Variants in LMX1A observed in about 807,000 individuals in gnomAD.
LMX1A encodes LIM homeobox transcription factor 1 alpha.
A neutral mutation model predicts 49.1 loss-of-function variants in LMX1A; 15 were observed. The ratio of observed to expected loss-of-function variants is 0.31; its 90% confidence interval spans 0.20 to 0.47. The LOEUF (loss-of-function observed/expected upper bound fraction) is 0.47. LMX1A is among the 20% of genes least tolerant of loss of function. The pLI is 1.00. For synonymous variants in LMX1A, 167 were observed against 185.7 expected, an observed-to-expected ratio of 0.90 and a Z score of 0.82; for missense variants, 372 against 475.8, an observed-to-expected ratio of 0.78 and a Z score of 2.03.
intron 4 of LMX1A, among the ~76,000 whole-genome samples, chr1:165,249,114 G>A (rs1652958318): frequency 6.6e-6 from 1 of 152,212 alleles, no homozygotes; most frequent in Non-Finnish European, 1.5e-5. Flanking sequence ...GAAGCCTGAA[G>A]CAAAGTCCAG....
intron 3 of LMX1A, among the ~76,000 whole-genome samples, chr1:165,270,078 G>T (rs1653751820): frequency 6.6e-6 from 1 of 152,056 alleles, no homozygotes; most frequent in Non-Finnish European, 1.5e-5. Flanking sequence ...GAAAGAAAAT[G>T]TCCTCTATCT....
At chr1:165,227,772 T>C (rs1652087415) in intron 4 of LMX1A, among the ~76,000 whole-genome samples, 2 of 152,190 alleles carry the variant, frequency 1.3e-5, no homozygotes, top group African/African-American at 2.4e-5. Context: ...AGTAATATTA[T>C]ATACCCTATG....
At chr1:165,258,709 T>C (rs74118533) in intron 3 of LMX1A, among the ~76,000 whole-genome samples, 23 of 152,252 alleles carry the variant, frequency 1.5e-4, no homozygotes, top group African/African-American at 5.1e-4. Context: ...TTTTCATCTA[T>C]CACAAATGTT....
chr1:165,302,206 T>C (rs10753674), intron 3 of LMX1A, among the ~76,000 whole-genome samples: 15 of 132,754 alleles, frequency 1.1e-4, no homozygotes, highest in South Asian at 6.9e-4. Context: ...GGGAGGCCGG[T>C]GGGGGGCGGG....
chr1:165,288,008 T>C (rs182472685), intron 3 of LMX1A, among the ~76,000 whole-genome samples: 1 of 152,296 alleles, frequency 6.6e-6, no homozygotes, highest in African/African-American at 2.4e-5. Flanking sequence ...GAAAACCGAA[T>C]AATAAAACTG....
rs910442873 is a variant in LMX1A at position 165,202,039 on chromosome 1, G to C, written c.*1841C>G. 6.6e-5 allele frequency: 10 copies of C among 152,528 alleles called. No homozygotes were observed. The highest frequency in any genetic ancestry group is 1.5e-4 in the Non-Finnish European group (10 of 68,040). 9.4% of individuals were successfully genotyped at this position (152,528 alleles called of 1,614,324 possible). ...ATTTTCACTCATCAGACTGGTTTGG[G>C]TTTCTTGGTGGTTTGCATAAATTAT... On this transcript the variant is annotated 3_prime_UTR_variant, in exon 9 of 9. Transcript: ENST00000342310.
intron 4 of LMX1A, among the ~76,000 whole-genome samples, chr1:165,242,949 A>AC (rs1652712658): frequency 7.0e-6 from 1 of 142,352 alleles, no homozygotes; most frequent in Admixed American, 6.9e-5. Context: ...AAAAAAAAAC[A>AC]AAACAAAAAC....
chr1:165,352,656 G>A (rs74118600), intron 3 of LMX1A, among the ~76,000 whole-genome samples: 5,751 of 152,296 alleles, frequency 0.038, 325 homozygotes, highest in African/African-American at 0.12. Flanking sequence ...GCGGACACCT[G>A]GGTAACATGG....
At chr1:165,246,076 C>T (rs987352500) in intron 4 of LMX1A, among the ~76,000 whole-genome samples, 2 of 152,042 alleles carry the variant, frequency 1.3e-5, no homozygotes, top group Non-Finnish European at 2.9e-5. Context: ...TGTATTTGTA[C>T]TGAGGCAGAT....
At chr1:165,249,343 G>T in intron 4 of LMX1A, 65 bp downstream of exon 4, 1 of 1,144,294 alleles carries the variant, frequency 8.7e-7, no homozygotes, top group Non-Finnish European at 1.3e-6. Flanking sequence ...AAGAAACAAT[G>T]CAGACAGCCA....
chr1:165,237,680 C>T (rs7517303), intron 4 of LMX1A, among the ~76,000 whole-genome samples: 152,097 of 152,342 alleles, frequency 1, 75,926 homozygotes, highest in Middle Eastern at 1. Context: ...TACCCAGTTT[C>T]GAATATAATT....
intron 3 of LMX1A, among the ~76,000 whole-genome samples, chr1:165,325,999 C>T (rs1655566903): frequency 8.2e-6 from 1 of 122,240 alleles, no homozygotes; most frequent in African/African-American, 2.9e-5. Context: ...GTGAGTAATC[C>T]CAGGGGGGCT....
At chr1:165,311,607 A>T (rs1483509662) in intron 3 of LMX1A, among the ~76,000 whole-genome samples, 1 of 152,194 alleles carries the variant, frequency 6.6e-6, no homozygotes, top group East Asian at 1.9e-4. Flanking sequence ...AACTTTGAAG[A>T]CCAACAGCCT....
intron 8 of LMX1A, 126 bp from the exon 9 acceptor site, chr1:165,204,166 A>G: frequency 1.0e-6 from 1 of 988,814 alleles, no homozygotes; most frequent in Admixed American, 2.5e-5. Flanking sequence ...TTCTACAAAA[A>G]GTCTATATTC....
chr1:165,247,048 C>CTTTTTGTTTT (rs1204141626), intron 4 of LMX1A, among the ~76,000 whole-genome samples: 1 of 21,424 alleles, frequency 4.7e-5, no homozygotes, highest in African/African-American at 2.1e-4. Context: ...ATCAGATCAG[C>CTTTTTGTTTT]TTTTTCTTTT....
intron 3 of LMX1A, among the ~76,000 whole-genome samples, chr1:165,256,158 C>T (rs1048584857): frequency 2.6e-5 from 4 of 152,110 alleles, no homozygotes; most frequent in African/African-American, 9.7e-5. Context: ...AAGCCGTGGG[C>T]GTCTCTCCCT....
chr1:165,208,021 T>C, intron 7 of LMX1A, 42 bp downstream of exon 7: 2 of 1,584,222 alleles, frequency 1.3e-6, no homozygotes, highest in Non-Finnish European at 1.7e-6. Flanking sequence ...AGGAACAGCC[T>C]GGATTCCAGC....
At chr1:165,218,501 A>G (rs1053667675) in intron 4 of LMX1A, 3 of 152,348 alleles carry the variant, frequency 2.0e-5, no homozygotes, top group African/African-American at 4.8e-5. Flanking sequence ...TGTGTTGTAA[A>G]TATTATGGGT....
intron 3 of LMX1A, among the ~76,000 whole-genome samples, chr1:165,287,869 A>G (rs1247314493): frequency 6.6e-6 from 1 of 152,124 alleles, no homozygotes; most frequent in Non-Finnish European, 1.5e-5. Context: ...TTTATAGACA[A>G]TTTCCCAGGA....
Sources: allele counts gnomAD v4.1 joint callset (sites outside exome capture counted in the v4.1 genomes callset), GRCh38; gene constraint gnomAD v4.1.1; transcripts MANE v1.5; gene names NCBI Gene and HGNC (gene_info 2026-07-23, HGNC 2026-07-21).